Variants in ARRB1 observed in about 807,000 individuals in gnomAD.
ARRB1 encodes arrestin beta 1, also known as beta-arrestin-1.
In ARRB1, 21 loss-of-function variants were observed where a neutral mutation model predicts 56.8. The ratio of observed to expected loss-of-function variants is 0.37; its 90% CI spans 0.26 to 0.53. The LOEUF is 0.53. Among genes scored for constraint, ARRB1 ranks in the 20% least tolerant of loss-of-function variants. ARRB1 has a pLI of 0.88. For missense variants in ARRB1, 424 were observed against 553.7 expected, an observed-to-expected ratio of 0.77 and a Z score of 2.35; for synonymous variants, 210 against 218.6, an observed-to-expected ratio of 0.96 and a Z score of 0.35.
intron 8 of ARRB1, among the ~76,000 whole-genome samples, chr11:75,277,664 C>T (rs1591904398): frequency 6.6e-6 from 1 of 152,198 alleles, no homozygotes; most frequent in Non-Finnish European, 1.5e-5. Flanking sequence ...CCGAATCCCC[C>T]AAGGCATTGT....
chr11:75,280,715 G>A (rs1004164053), intron 7 of ARRB1, among the ~76,000 whole-genome samples: 2 of 152,254 alleles, frequency 1.3e-5, no homozygotes, highest in Non-Finnish European at 2.9e-5. Flanking sequence ...ACTGGAAAAT[G>A]AGAATGGTCA....
At chr11:75,280,603 T>C (rs1329104170) in intron 7 of ARRB1, among the ~76,000 whole-genome samples, 3 of 152,222 alleles carry the variant, frequency 2.0e-5, no homozygotes, top group Non-Finnish European at 4.4e-5. Context: ...CCGACCTCCC[T>C]GTCACTCTCC....
chr11:75,274,403 C>T lies in ARRB1; in HGVS notation c.777-192G>A. On this transcript the variant is annotated intron_variant, in intron 10 of 15. Transcript: ENST00000420843. Reference sequence around the variant, plus strand: ...AGACCACTGCCACTCAAAAGAGGCACATCTACATTCTACGCACAAACAGGA... The same window carrying T: ...AGACCACTGCCACTCAAAAGAGGCATATCTACATTCTACGCACAAACAGGA... The T allele has an allele frequency of 4.9e-6, 3 of 616,954 alleles. No individual in the cohort carries two copies. The South Asian group carries it at 6.1e-5, about 13-fold the overall frequency. The allele number at this position is 616,954 out of a possible 1,614,324, so 38.2% of individuals were successfully genotyped here.
intron 1 of ARRB1, among the ~76,000 whole-genome samples, chr11:75,311,885 C>T (rs1208366391): frequency 1.3e-5 from 2 of 152,208 alleles, no homozygotes; most frequent in Admixed American, 1.3e-4. Context: ...CCCCAGCATA[C>T]ACACACACTC....
chr11:75,303,783 C>A (rs1189955631), intron 1 of ARRB1: 3 of 437,042 alleles, frequency 6.9e-6, no homozygotes, highest in Admixed American at 4.8e-5. Context: ...CACACATGTG[C>A]ATCTTTCCCT....
chr11:75,268,780 C>T (rs148912840), intron 14 of ARRB1, 109 bp downstream of exon 14: 208 of 1,230,464 alleles, frequency 1.7e-4, no homozygotes, highest in South Asian at 1.6e-3. Flanking sequence ...TCTGGGGACC[C>T]GAGAAAAGGG....
intron 1 of ARRB1, among the ~76,000 whole-genome samples, chr11:75,310,272 T>C (rs989313872): frequency 2.0e-5 from 3 of 152,108 alleles, no homozygotes; most frequent in Admixed American, 6.5e-5. Context: ...TTGAGGGGGA[T>C]GAAAGGCCAA....
chr11:75,277,047 C>T, intron 9 of ARRB1, 136 bp from the exon 10 acceptor site: 1 of 801,796 alleles, frequency 1.2e-6, no homozygotes, highest in Non-Finnish European at 2.1e-6. Context: ...TGCATAAGAC[C>T]ACCCCTGTCT....
chr11:75,350,581 C>T (rs1417475007), intron 1 of ARRB1, among the ~76,000 whole-genome samples: 1 of 152,216 alleles, frequency 6.6e-6, no homozygotes, highest in African/African-American at 2.4e-5. Context: ...CAGCCCCCTC[C>T]TCCTTTTGTC....
intron 4 of ARRB1, among the ~76,000 whole-genome samples, chr11:75,283,762 C>CGGTCTGACAGGCTT (rs1565114790): frequency 6.6e-6 from 1 of 151,448 alleles, no homozygotes; most frequent in Non-Finnish European, 1.5e-5. Context: ...GGTATGGAAA[C>CGGTCTGACAGGCTT]GGTCTGACAG....
chr11:75,272,786 T>G, intron 12 of ARRB1, 109 bp downstream of exon 12: 2 of 1,015,554 alleles, frequency 2.0e-6, no homozygotes, highest in Non-Finnish European at 3.0e-6. Flanking sequence ...TCCTCCAAGG[T>G]GGATGCAGCT....
At chr11:75,287,014 C>G (rs1292666010) in intron 3 of ARRB1, among the ~76,000 whole-genome samples, 1 of 152,180 alleles carries the variant, frequency 6.6e-6, no homozygotes, top group African/African-American at 2.4e-5. Context: ...TAGCCACCCC[C>G]ACTGTCTGCT....
chr11:75,320,565 C>T (rs1947331413), intron 1 of ARRB1, among the ~76,000 whole-genome samples: 1 of 152,178 alleles, frequency 6.6e-6, no homozygotes, highest in East Asian at 1.9e-4. Flanking sequence ...AGGGCCTGCT[C>T]AGCTCTGTTC....
intron 14 of ARRB1, among the ~76,000 whole-genome samples, chr11:75,268,561 G>A (rs1165135743): frequency 2.0e-5 from 3 of 148,610 alleles, no homozygotes; most frequent in African/African-American, 5.0e-5. Context: ...TGACAATAGC[G>A]TGTCCAACGG....
At chr11:75,323,634 A>G (rs1333527835) in intron 1 of ARRB1, among the ~76,000 whole-genome samples, 1 of 152,176 alleles carries the variant, frequency 6.6e-6, no homozygotes, top group Non-Finnish European at 1.5e-5. Context: ...ACAAAAAAGA[A>G]AAAAATAAGT....
In ARRB1 at chr11:75,266,216, C is replaced by T. The variant is rs1306020927; in HGVS notation, c.1204G>A (p.Asp402Asn). Residue 402 changes from aspartate (D) to asparagine (N), a missense_variant, in exon 16 of 16, where the codon GAC (aspartate) becomes AAC (asparagine). Asp to Asn is a conservative substitution (Grantham distance 23, BLOSUM62 1). This residue lies in a region of ARRB1 where 121 missense variants were observed against 147.3 expected (regional missense o/e 0.82). Coordinates refer to ENST00000420843, the MANE Select transcript of ARRB1 (RefSeq NM_004041.5). ...GTACCATCCTCCTCTTCCTCCTTGT[C>T]ATCCTTCATGCCTTTCAGTCTCTGG... The part of the protein sequence containing the change: ...ARQRLKGMKD[D>N]KEEEEDGTGS... 3.1e-6 allele frequency: 5 copies of T among 1,614,110 alleles called. No individual in the cohort carries two copies. The highest frequency in any genetic ancestry group is 2.5e-6 in the Non-Finnish European group (3 of 1,180,054).
chr11:75,309,026 G>A (rs892699256), intron 1 of ARRB1, among the ~76,000 whole-genome samples: 5 of 152,272 alleles, frequency 3.3e-5, no homozygotes, highest in African/African-American at 1.2e-4. Context: ...GGAAACTGGA[G>A]GCTAGGGAGG....
At chr11:75,284,372 C>G in intron 3 of ARRB1, 93 bp from the exon 4 acceptor site, 1 of 1,293,862 alleles carries the variant, frequency 7.7e-7, no homozygotes, top group Non-Finnish European at 1.1e-6. Flanking sequence ...ATCCAACCAT[C>G]TGTTCATCTA....
intron 1 of ARRB1, among the ~76,000 whole-genome samples, chr11:75,328,237 G>T (rs1947471546): frequency 6.6e-6 from 1 of 152,130 alleles, no homozygotes; most frequent in African/African-American, 2.4e-5. Flanking sequence ...TTCACGTAAG[G>T]TTTGCAAGGT....
Sources: allele counts gnomAD v4.1 joint callset (sites outside exome capture counted in the v4.1 genomes callset), GRCh38; gene constraint gnomAD v4.1.1; regional missense constraint gnomAD v4.1.1; transcripts MANE v1.5; gene names NCBI Gene and HGNC (gene_info 2026-07-23, HGNC 2026-07-21).